The following BNIPL variants were observed in gnomAD, a reference collection of about 807,000 sequenced individuals.
The protein encoded by BNIPL is bcl-2/adenovirus E1B 19 kDa-interacting protein 2-like protein.
In BNIPL, 33 loss-of-function variants were observed where a neutral mutation model predicts 47.0. The observed-to-expected ratio is 0.70, with a 90% CI of 0.53 to 0.94. The LOEUF (loss-of-function observed/expected upper bound fraction) is 0.94. Ranked by LOEUF, BNIPL falls within the 40% of genes least tolerant of loss-of-function variation. The probability of loss-of-function intolerance (pLI) is 0.00; values close to 1 mark genes in which losing one functional copy is unlikely to be tolerated. For synonymous variants in BNIPL, 145 were observed against 162.7 expected, an observed-to-expected ratio of 0.89 and a Z score of 0.83; for missense variants, 404 against 445.2, an observed-to-expected ratio of 0.91 and a Z score of 0.83.
At chr1:151,044,372 T>A (rs1202525075) in intron 7 of BNIPL, among the ~76,000 whole-genome samples, 1 of 152,238 alleles carries the variant, frequency 6.6e-6, no homozygotes, top group South Asian at 2.1e-4. Context: ...TGTGGCATAT[T>A]GCCTGGCACA....
At chr1:151,043,864 T>C in intron 7 of BNIPL, 137 bp downstream of exon 7, 2 of 1,105,712 alleles carry the variant, frequency 1.8e-6, no homozygotes, top group Non-Finnish European at 2.5e-6. Context: ...TTTTGTCTTC[T>C]GTCTTCTCTT....
intron 7 of BNIPL, among the ~76,000 whole-genome samples, chr1:151,045,255 A>T (rs775106850): frequency 7.2e-4 from 66 of 92,222 alleles, no homozygotes; most frequent in Admixed American, 1.3e-3. Flanking sequence ...CGACAGAGTG[A>T]GATTCCATCT....
At chr1:151,036,792 T>A (rs587611462) in intron 1 of BNIPL, 26 bp downstream of exon 1, 1 of 1,589,998 alleles carries the variant, frequency 6.3e-7, no homozygotes. Flanking sequence ...GCTCACTTGA[T>A]TGGTAACAGT....
chr1:151,046,685 T>C lies in BNIPL; in HGVS notation c.1072T>C (p.Ter358GlnextTer5). 1.3e-6 allele frequency: 2 copies of C among 1,598,924 alleles called. No individual in the cohort carries two copies. The highest frequency in any genetic ancestry group is 1.7e-6 in the Non-Finnish European group (2 of 1,168,542). Residue 358 changes from the stop codon to glutamine, a stop_lost, in exon 10 of 10, where the codon TAG becomes CAG. Transcript: ENST00000368931. ...DRDLHGSGGT[*>Q] is the part of the protein sequence containing the mutation. ...GGATCTCCATGGCTCAGGAGGGACA[T>C]AGCACAGGACTGGATAAAAGGCCTT...
intron 4 of BNIPL, among the ~76,000 whole-genome samples, 193 bp downstream of exon 4, chr1:151,039,219 C>G (rs1204578553): frequency 6.6e-6 from 1 of 151,956 alleles, no homozygotes; most frequent in East Asian, 1.9e-4. Flanking sequence ...GGGAGGGGAG[C>G]CCATTGTTTA....
intron 2 of BNIPL, among the ~76,000 whole-genome samples, chr1:151,038,233 G>C (rs1279759988): frequency 6.6e-6 from 1 of 151,932 alleles, no homozygotes; most frequent in African/African-American, 2.4e-5. Flanking sequence ...ATTTAGCCAA[G>C]TGTGGTGGTG....
chr1:151,041,747 G>A (rs1475357965), intron 4 of BNIPL, among the ~76,000 whole-genome samples: 1 of 152,240 alleles, frequency 6.6e-6, no homozygotes, highest in East Asian at 1.9e-4. Flanking sequence ...GCCAAGGCAG[G>A]TAGATCACCT....
intron 7 of BNIPL, among the ~76,000 whole-genome samples, chr1:151,045,354 G>A (rs1265769952): frequency 6.7e-6 from 1 of 149,068 alleles, no homozygotes; most frequent in Admixed American, 6.7e-5. Context: ...GGCAGATCAC[G>A]AGGTCAGGAG....
chr1:151,046,037 A>ATC, intron 8 of BNIPL, 30 bp from the exon 9 acceptor site: 2 of 1,614,076 alleles, frequency 1.2e-6, no homozygotes, highest in African/African-American at 2.7e-5. Context: ...TCCCAATACA[A>ATC]AACACAGTTG....
Position 151,038,836 on chromosome 1 carries a change from C to T in BNIPL, c.243C>T (p.Arg81=), listed in dbSNP as rs183518297. 3.7e-4 allele frequency: 596 copies of T among 1,611,490 alleles called. No individual in the cohort carries two copies. The highest frequency in any genetic ancestry group is 2.4e-4 in the Non-Finnish European group (282 of 1,178,618). Residue 81 remains arginine (R), a synonymous_variant, in exon 4 of 10, where the codon CGC becomes CGT. Transcript: ENST00000368931. The part of the protein sequence containing the change: ...TPSTLALCGQ[R]PMRKRLSAPE... ...GCACTTTAGCCCTGTGTGGCCAGCG[C>T]CCCATGCGCAAGCGTCTTTCTGCCC...
intron 2 of BNIPL, 80 bp from the exon 3 acceptor site, chr1:151,038,424 G>C: frequency 9.8e-7 from 1 of 1,022,734 alleles, no homozygotes. Context: ...TCATGGTGGG[G>C]AGAGAGAACC....
rs140366075 is a variant in BNIPL at position 151,043,717 on chromosome 1, C to T, written c.841C>T (p.Leu281=). The change falls in exon 7 of 10, where the codon CTG becomes TTG. Residue 281 remains leucine, a synonymous_variant. Transcript: ENST00000368931. ...CTGGATACGTCAGTGTTACCGTACC[C>T]TGGATCGGCGGTGAGACCTGGGATG... is the stretch of plus-strand genomic sequence containing the variant. The part of the protein sequence containing the change: ...LSWIRQCYRT[L]DRRLRKNLRA... 5.4e-5 allele frequency: 87 copies of T among 1,613,522 alleles called. No individual in the cohort carries two copies. The highest frequency in any genetic ancestry group is 7.1e-5 in the Non-Finnish European group (84 of 1,179,674).
chr1:151,042,910 G>A (rs369316201), intron 4 of BNIPL, 46 bp from the exon 5 acceptor site: 5 of 1,409,346 alleles, frequency 3.5e-6, no homozygotes, highest in South Asian at 1.5e-5. Context: ...AAAAACTGAA[G>A]GTAGGAAATC....
In BNIPL at chr1:151,043,335, A is replaced by G. The variant is rs1356409082; in HGVS notation, c.620A>G (p.Tyr207Cys). The G allele has an allele frequency of 1.9e-6, 3 of 1,602,434 alleles. No homozygotes were observed. The highest frequency in any genetic ancestry group is 2.6e-6 in the Non-Finnish European group (3 of 1,169,446). The change falls in exon 6 of 10, where the codon TAC becomes TGC. Residue 207 changes from tyrosine (Y) to cysteine (C), a missense_variant. Tyr to Cys is a radical substitution (Grantham distance 194). Coordinates refer to ENST00000368931, the MANE Select transcript of BNIPL (RefSeq NM_138278.4). ...ATTTTCCCCTTACACTCTCCAGGTT[A>G]CCACGGTGATGGCCTCAATGCTGTC... ...PYKKVLSHGG[Y>C]HGDGLNAVIL...
intron 4 of BNIPL, 41 bp downstream of exon 4, chr1:151,039,067 G>T: frequency 6.6e-7 from 1 of 1,522,598 alleles, no homozygotes; most frequent in Non-Finnish European, 8.8e-7. Flanking sequence ...AGAAGTAGAG[G>T]CTAGAGCTAA....
chr1:151,040,050 C>T (rs1675763903), intron 4 of BNIPL, among the ~76,000 whole-genome samples: 1 of 151,802 alleles, frequency 6.6e-6, no homozygotes, highest in African/African-American at 2.4e-5. Flanking sequence ...CATGCCTGGC[C>T]CAGTAAGGTT....
intron 2 of BNIPL, 35 bp from the exon 3 acceptor site, chr1:151,038,469 A>G: frequency 6.5e-7 from 1 of 1,531,092 alleles, no homozygotes; most frequent in Non-Finnish European, 9.0e-7. Context: ...CCTTTGGTGT[A>G]TATGTCTGCC....
At position 151,043,612 on chromosome 1, in the gene BNIPL, C is replaced by A; in HGVS notation, c.736C>A (p.Leu246Met). The part of the protein sequence containing the change: ...EHLFRYMVGT[L>M]ELLVAENYLL... ...TCCCCCCAGGTATATGGTGGGAACT[C>A]TGGAGCTGCTAGTAGCTGAAAATTA... Residue 246 changes from leucine to methionine, a missense_variant, in exon 7 of 10, where the codon CTG (leucine) becomes ATG (methionine). Coordinates refer to ENST00000368931, the MANE Select transcript of BNIPL (RefSeq NM_138278.4). 1.2e-6 allele frequency: 2 copies of A among 1,612,096 alleles called. No homozygotes were observed. Among genetic ancestry groups the A allele is most frequent in the Non-Finnish European group, 1.7e-6 (2 of 1,178,262 alleles).
At chr1:151,046,029 C>T in intron 8 of BNIPL, 38 bp from the exon 9 acceptor site, 3 of 1,613,812 alleles carry the variant, frequency 1.9e-6, no homozygotes, top group Non-Finnish European at 2.5e-6. Context: ...AACCCTTCTC[C>T]CAATACAAAA....
Sources: allele counts gnomAD v4.1 joint callset (sites outside exome capture counted in the v4.1 genomes callset), GRCh38; gene constraint gnomAD v4.1.1; transcripts MANE v1.5; gene names NCBI Gene and HGNC (gene_info 2026-07-23, HGNC 2026-07-21).